RABGAP1L: variants seen among roughly 807,000 people sequenced by gnomAD.
The protein encoded by RABGAP1L is rab GTPase-activating protein 1-like.
In RABGAP1L, 63 loss-of-function variants were observed where a neutral mutation model predicts 137.7. The ratio of observed to expected loss-of-function variants is 0.46; its 90% CI spans 0.37 to 0.56. The LOEUF (loss-of-function observed/expected upper bound fraction) is 0.56. Among genes scored for constraint, RABGAP1L ranks in the 20% least tolerant of loss-of-function variants. The probability of loss-of-function intolerance (pLI) is 0.00; values close to 1 mark genes in which losing one functional copy is unlikely to be tolerated. For missense variants in RABGAP1L, 1,095 were observed against 1,244.0 expected (o/e 0.88, Z 1.80); for synonymous variants, 431 against 433.7 (o/e 0.99, Z 0.08).
intron 4 of RABGAP1L, among the ~76,000 whole-genome samples, chr1:174,231,913 G>A (rs1401751345): frequency 6.6e-6 from 1 of 152,100 alleles, no homozygotes; most frequent in Non-Finnish European, 1.5e-5. Context: ...TCCAACATTG[G>A]AGATTACAAT....
At chr1:174,251,797 T>C (rs747419179) in intron 6 of RABGAP1L, among the ~76,000 whole-genome samples, 4 of 152,206 alleles carry the variant, frequency 2.6e-5, no homozygotes, top group Non-Finnish European at 4.4e-5. Flanking sequence ...CAGGCACTTA[T>C]GACCACCCAA....
At chr1:174,209,194 C>T (rs904665536) in intron 1 of RABGAP1L, among the ~76,000 whole-genome samples, 7 of 152,292 alleles carry the variant, frequency 4.6e-5, no homozygotes, top group South Asian at 2.1e-4. Flanking sequence ...TTATGCATTG[C>T]GTACCTCCTG....
intron 11 of RABGAP1L, among the ~76,000 whole-genome samples, chr1:174,316,739 G>A (rs1037304048): frequency 2.0e-5 from 3 of 152,132 alleles, no homozygotes; most frequent in African/African-American, 7.2e-5. Flanking sequence ...TCCCTTTAGG[G>A]TGGGGAGGTC....
chr1:174,646,173 T>A (rs1023603411), intron 14 of RABGAP1L, among the ~76,000 whole-genome samples: 5 of 152,166 alleles, frequency 3.3e-5, no homozygotes, highest in African/African-American at 1.2e-4. Flanking sequence ...ACCTGTTCAC[T>A]GATGATAAGT....
intron 14 of RABGAP1L, among the ~76,000 whole-genome samples, chr1:174,650,234 G>A (rs1299029923): frequency 6.6e-6 from 1 of 152,100 alleles, no homozygotes; most frequent in African/African-American, 2.4e-5. Flanking sequence ...GATTCGGTTT[G>A]CCAGTATTTT....
At chr1:174,629,688 A>C (rs1673187869) in intron 13 of RABGAP1L, among the ~76,000 whole-genome samples, 1 of 152,038 alleles carries the variant, frequency 6.6e-6, no homozygotes, top group African/African-American at 2.4e-5. Flanking sequence ...ATGCCGGGCT[A>C]ATTTTTTGTA....
rs544245000 is a variant in RABGAP1L at position 174,886,347 on chromosome 1, G to A, written c.2341-71110G>A. 2.3e-4 allele frequency among the ~76,000 whole-genome samples: 35 copies of A among 152,280 alleles called. No individual in the cohort carries two copies. In the South Asian group the frequency reaches 4.6e-3, roughly 20 times the overall value. On this transcript the variant is annotated intron_variant, in intron 19 of 25. Coordinates refer to ENST00000681986, the MANE Select transcript of RABGAP1L (RefSeq NM_001366446.1). The stretch of plus-strand genomic sequence containing the variant: ...ATTACATCAAAACTCACCACAGTGC[G>A]CAAGCTGAACGTGTAATCAAATTGT...
intron 11 of RABGAP1L, among the ~76,000 whole-genome samples, chr1:174,315,472 A>C (rs1679283609): frequency 6.6e-6 from 1 of 152,004 alleles, no homozygotes; most frequent in Non-Finnish European, 1.5e-5. Context: ...TTTTGATTGG[A>C]GAGTTTAGTC....
At chr1:174,488,032 C>G (rs1659835463) in intron 13 of RABGAP1L, among the ~76,000 whole-genome samples, 1 of 152,082 alleles carries the variant, frequency 6.6e-6, no homozygotes, top group South Asian at 2.1e-4. Context: ...ATATTTTAAT[C>G]TTTCTATTTA....
chr1:174,930,830 G>A (rs913797546), intron 19 of RABGAP1L, among the ~76,000 whole-genome samples: 1 of 151,974 alleles, frequency 6.6e-6, no homozygotes, highest in Non-Finnish European at 1.5e-5. Flanking sequence ...AACACATAAG[G>A]ACTTTAAAAT....
At chr1:174,486,377 C>A (rs1166824591) in intron 13 of RABGAP1L, among the ~76,000 whole-genome samples, 1 of 146,618 alleles carries the variant, frequency 6.8e-6, no homozygotes, top group Non-Finnish European at 1.5e-5. Flanking sequence ...GACGGAGTCT[C>A]ACTCTGTTGC....
intron 11 of RABGAP1L, among the ~76,000 whole-genome samples, chr1:174,340,812 G>A (rs998215219): frequency 6.6e-6 from 1 of 152,148 alleles, no homozygotes; most frequent in Non-Finnish European, 1.5e-5. Flanking sequence ...TGAGTCACAT[G>A]GTATTTCTTC....
rs547224168 is a variant in RABGAP1L at position 174,307,466 on chromosome 1, C to G, written c.1465+2339C>G. On this transcript the variant is annotated intron_variant, in intron 11 of 25. Transcript: ENST00000681986. ...TTAAGCAGTCACTCTCTGTTCTCCC[C>G]TTTCCCTTCCCCCTGGCAGCCACTA... Among the ~76,000 whole-genome samples the G allele has an allele frequency of 3.9e-5, 6 of 152,284 alleles. No homozygotes were observed. The South Asian group carries it at 1.0e-3, about 26-fold the overall frequency.
intron 13 of RABGAP1L, among the ~76,000 whole-genome samples, chr1:174,622,103 A>G (rs1051528352): frequency 3.9e-5 from 6 of 152,256 alleles, no homozygotes; most frequent in African/African-American, 1.4e-4. Context: ...ACATGAAAAA[A>G]TGCTCATCAT....
At chr1:174,722,996 G>C (rs1174280266) in intron 17 of RABGAP1L, among the ~76,000 whole-genome samples, 1 of 152,170 alleles carries the variant, frequency 6.6e-6, no homozygotes, top group African/African-American at 2.4e-5. Context: ...ATTTTCAAAA[G>C]GAGGCATGCT....
intron 17 of RABGAP1L, among the ~76,000 whole-genome samples, chr1:174,742,849 G>T (rs1475243646): frequency 6.6e-6 from 1 of 152,180 alleles, no homozygotes; most frequent in African/African-American, 2.4e-5. Flanking sequence ...ATACTTCAGT[G>T]CTCTAATGTT....
intron 18 of RABGAP1L, among the ~76,000 whole-genome samples, chr1:174,777,505 G>A (rs1686618008): frequency 6.6e-6 from 1 of 152,214 alleles, no homozygotes; most frequent in South Asian, 2.1e-4. Context: ...CCCTGGTTGA[G>A]CATCATTGCT....
At chr1:174,969,172 T>A in intron 20 of RABGAP1L, 105 bp from the exon 21 acceptor site, 1 of 851,540 alleles carries the variant, frequency 1.2e-6, no homozygotes, top group Non-Finnish European at 1.9e-6. Context: ...TTCTCCTTTT[T>A]ACACCTTTGA....
intron 4 of RABGAP1L, among the ~76,000 whole-genome samples, chr1:174,239,544 T>C (rs1006275959): frequency 6.6e-6 from 1 of 152,188 alleles, no homozygotes; most frequent in South Asian, 2.1e-4. Flanking sequence ...ATCATGTAAC[T>C]CTCTTTCCTC....
Sources: allele counts gnomAD v4.1 joint callset (sites outside exome capture counted in the v4.1 genomes callset), GRCh38; gene constraint gnomAD v4.1.1; transcripts MANE v1.5; gene names NCBI Gene and HGNC (gene_info 2026-07-23, HGNC 2026-07-21).